The following CAMK1D variants were observed in gnomAD, a reference collection of about 807,000 sequenced individuals.
The protein encoded by CAMK1D is calcium/calmodulin-dependent protein kinase type 1D.
CAMK1D carries 9 observed loss-of-function variants against 47.7 expected under a neutral mutation model. That is an observed-to-expected ratio of 0.19 (90% confidence interval 0.11 to 0.33). CAMK1D has a LOEUF of 0.33. Among genes scored for constraint, CAMK1D ranks in the 10% least tolerant of loss-of-function variants. The pLI is 1.00. For synonymous variants in CAMK1D, 184 were observed against 184.9 expected, an observed-to-expected ratio of 0.99 and a Z score of 0.04; for missense variants, 291 against 488.7, an observed-to-expected ratio of 0.60 and a Z score of 3.81.
rs530699006 is a variant in CAMK1D, at chr10:12,506,595, T to C, written c.93-46630T>C. On this transcript the variant is annotated intron_variant, in intron 1 of 10. Transcript: ENST00000619168. ...GTGCAGTGGCACGATCTCAGCTCAC[T>C]GCAGTCTCCGCCTCCCGGGTTCACG... 9.9e-5 allele frequency among the ~76,000 whole-genome samples: 15 copies of C among 152,202 alleles called. No homozygotes were observed. In the South Asian group the frequency reaches 2.9e-3, roughly 29 times the overall value.
intron 1 of CAMK1D, among the ~76,000 whole-genome samples, chr10:12,520,138 G>A (rs1329914275): frequency 2.6e-5 from 2 of 77,248 alleles, no homozygotes; most frequent in African/African-American, 5.0e-5. Context: ...CCCAGATGGG[G>A]TGGCTGCCGG....
At chr10:12,504,374 A>G (rs1458941615) in intron 1 of CAMK1D, among the ~76,000 whole-genome samples, 3 of 152,062 alleles carry the variant, frequency 2.0e-5, no homozygotes, top group African/African-American at 7.2e-5. Flanking sequence ...CCAGAGTCCA[A>G]AGACCCAAGA....
chr10:12,731,570 G>A (rs915350459), intron 3 of CAMK1D, among the ~76,000 whole-genome samples: 2 of 152,200 alleles, frequency 1.3e-5, no homozygotes, highest in Admixed American at 6.5e-5. Context: ...TAAGAGTTGG[G>A]TCTAACCAGA....
chr10:12,542,331 C>T (rs1836223528), intron 1 of CAMK1D, among the ~76,000 whole-genome samples: 1 of 152,158 alleles, frequency 6.6e-6, no homozygotes, highest in Non-Finnish European at 1.5e-5. Flanking sequence ...GGGCAATAGG[C>T]TGGAAGCGAT....
intron 1 of CAMK1D, among the ~76,000 whole-genome samples, chr10:12,504,907 G>C (rs1332927838): frequency 6.6e-6 from 1 of 152,158 alleles, no homozygotes; most frequent in Non-Finnish European, 1.5e-5. Context: ...CTCCTGAGGT[G>C]TGGGCCCGGA....
At chr10:12,363,742 C>A (rs1436049533) in intron 1 of CAMK1D, among the ~76,000 whole-genome samples, 1 of 148,724 alleles carries the variant, frequency 6.7e-6, no homozygotes, top group African/African-American at 2.5e-5. Context: ...GATCTCCGCT[C>A]ACTGCAGCCT....
At chr10:12,694,773 C>T (rs1833194103) in intron 3 of CAMK1D, among the ~76,000 whole-genome samples, 1 of 151,234 alleles carries the variant, frequency 6.6e-6, no homozygotes, top group Non-Finnish European at 1.5e-5. Flanking sequence ...GGAGTAAAGG[C>T]CTACAAAGGA....
chr10:12,584,684 G>A (rs1475737552), intron 2 of CAMK1D, among the ~76,000 whole-genome samples: 1 of 152,168 alleles, frequency 6.6e-6, no homozygotes, highest in Non-Finnish European at 1.5e-5. Context: ...GCCGGGCGTG[G>A]TGGCGTGCAT....
At chr10:12,577,924 A>G (rs761584429) in intron 2 of CAMK1D, among the ~76,000 whole-genome samples, 6 of 152,208 alleles carry the variant, frequency 3.9e-5, no homozygotes, top group South Asian at 4.1e-4. Context: ...TATTCATCCA[A>G]TCATCCATGC....
At chr10:12,716,328 T>C (rs1834134887) in intron 3 of CAMK1D, among the ~76,000 whole-genome samples, 1 of 152,098 alleles carries the variant, frequency 6.6e-6, no homozygotes. Context: ...ATCCCCGGTC[T>C]CCAAACATTG....
In CAMK1D at chr10:12,583,610, T is replaced by A. The variant is rs572061257; in HGVS notation, c.224+30254T>A. On this transcript the variant is annotated intron_variant, in intron 2 of 10. Transcript: ENST00000619168. The stretch of plus-strand genomic sequence containing the variant: ...TGTTTTGTTGTTGTTGTTTTATTTT[T>A]TTTTTTTTTTGAGATGGAGTCTCTC... 1.7e-4 allele frequency among the ~76,000 whole-genome samples: 26 copies of A among 151,038 alleles called. 1 individual carries two copies. In the South Asian group the frequency reaches 2.3e-3, roughly 13 times the overall value.
intron 4 of CAMK1D, among the ~76,000 whole-genome samples, chr10:12,764,397 A>AAAAAAAAAAAAAAAT (rs1836653678): frequency 6.7e-6 from 1 of 149,348 alleles, no homozygotes; most frequent in African/African-American, 2.4e-5. Context: ...AAAAAAAAAA[A>AAAAAAAAAAAAAAAT]ACATTGATCT....
intron 6 of CAMK1D, among the ~76,000 whole-genome samples, chr10:12,807,021 T>C (rs1588951783): frequency 6.6e-6 from 1 of 152,138 alleles, no homozygotes; most frequent in African/African-American, 2.4e-5. Context: ...CTGAGCTGAG[T>C]GATCTTATCT....
At chr10:12,560,489 G>C (rs1006304300) in intron 2 of CAMK1D, among the ~76,000 whole-genome samples, 2 of 149,132 alleles carry the variant, frequency 1.3e-5, no homozygotes, top group African/African-American at 5.0e-5. Context: ...GGAGGTGGAA[G>C]TTGCAGGGAG....
intron 3 of CAMK1D, among the ~76,000 whole-genome samples, chr10:12,709,926 G>A (rs990254405): frequency 6.6e-6 from 1 of 152,250 alleles, no homozygotes; most frequent in Admixed American, 6.5e-5. Context: ...ACGCAGAGTC[G>A]ATGCCTGCAG....
At chr10:12,483,065 C>G (rs1834111721) in intron 1 of CAMK1D, among the ~76,000 whole-genome samples, 1 of 152,164 alleles carries the variant, frequency 6.6e-6, no homozygotes, top group South Asian at 2.1e-4. Flanking sequence ...TCTAATCTCT[C>G]ATTCTAATGC....
At chr10:12,826,015 T>G in intron 10 of CAMK1D, 1 of 280,412 alleles carries the variant, frequency 3.6e-6, no homozygotes, top group Non-Finnish European at 6.7e-6. Flanking sequence ...CGAGCACCTG[T>G]AATGTCAGCT....
chr10:12,649,066 C>G (rs1839888866), intron 2 of CAMK1D, among the ~76,000 whole-genome samples: 1 of 152,072 alleles, frequency 6.6e-6, no homozygotes, highest in Non-Finnish European at 1.5e-5. Flanking sequence ...CCGGGTTTTA[C>G]TATGTTGCCC....
chr10:12,606,415 G>A (rs1379911590), intron 2 of CAMK1D, among the ~76,000 whole-genome samples: 1 of 152,206 alleles, frequency 6.6e-6, no homozygotes, highest in East Asian at 1.9e-4. Flanking sequence ...ATGTTCTTAA[G>A]ATGGCAAAAA....
Sources: allele counts gnomAD v4.1 joint callset (sites outside exome capture counted in the v4.1 genomes callset), GRCh38; gene constraint gnomAD v4.1.1; transcripts MANE v1.5; gene names NCBI Gene and HGNC (gene_info 2026-07-23, HGNC 2026-07-21).